BRDT: variants seen among roughly 807,000 people sequenced by gnomAD.
BRDT encodes bromodomain testis-specific protein.
A neutral mutation model predicts 113.9 loss-of-function variants in BRDT; 77 were observed. The observed-to-expected ratio is 0.68, with a 90% CI of 0.56 to 0.82. The LOEUF is 0.82. Among genes scored for constraint, BRDT ranks in the 40% least tolerant of loss-of-function variants. The pLI, the probability that BRDT is intolerant of heterozygous loss-of-function variation, is 0.00. For synonymous variants in BRDT, 358 were observed against 366.5 expected, an observed-to-expected ratio of 0.98 and a Z score of 0.26; for missense variants, 1,027 against 1,105.4, an observed-to-expected ratio of 0.93 and a Z score of 1.01.
chr1:91,993,338 A>G (rs1230746149), intron 14 of BRDT, among the ~76,000 whole-genome samples: 1 of 152,204 alleles, frequency 6.6e-6, no homozygotes, highest in Non-Finnish European at 1.5e-5. Context: ...GCTTAGTTAG[A>G]TAAGGCTACT....
rs758006018 is a variant in BRDT at position 91,976,436 on chromosome 1, C to CA, written c.618dup (p.Val207SerfsTer20). On this transcript the variant is annotated frameshift_variant and splice_region_variant, in exon 5 of 19. Transcript: ENST00000399546. LOFTEE classifies it high-confidence loss of function. ...CAACTCCAGTTCACAAACTGCGGCC[C>CA]AAGTAAGTTTGTTGTAGTTTTTAAA... 13 of 1,538,744 alleles carry CA rather than the reference C, an allele frequency of 8.4e-6. No homozygotes were observed. The African/African-American group carries it at 1.8e-4, about 22-fold the overall frequency.
chr1:91,992,827 TG>T (rs1426781413), intron 14 of BRDT, among the ~76,000 whole-genome samples: 8 of 152,170 alleles, frequency 5.3e-5, no homozygotes, highest in African/African-American at 1.9e-4. Flanking sequence ...TGAGCCACCA[TG>T]CCTGGCCTTC....
rs376137327 is a variant in BRDT at position 91,987,776 on chromosome 1, T to A, written c.2003-3408T>A. On this transcript the variant is annotated intron_variant, in intron 12 of 18. Coordinates refer to ENST00000399546, the MANE Select transcript of BRDT (RefSeq NM_207189.4). ...TGGAACATCTATCTCAGTGCTTTGA[T>A]TGATGATAGGTATTAAGTAAACTCT... Among the ~76,000 whole-genome samples the A allele has an allele frequency of 8.8e-4, 134 of 152,336 alleles. 1 individual carries two copies. In the South Asian group the frequency reaches 0.028, roughly 31 times the overall value.
intron 4 of BRDT, among the ~76,000 whole-genome samples, chr1:91,972,086 C>A (rs1159487001): frequency 6.6e-6 from 1 of 151,834 alleles, no homozygotes; most frequent in East Asian, 1.9e-4. Context: ...GATTCACCAC[C>A]AAAAACCTTT....
chr1:91,978,726 C>T (rs892757746), intron 7 of BRDT, among the ~76,000 whole-genome samples: 4 of 152,070 alleles, frequency 2.6e-5, no homozygotes, highest in Non-Finnish European at 4.4e-5. Context: ...GCTGGCCCGG[C>T]GCGGTGGCTC....
chr1:91,980,264 G>T (rs1684587633), intron 8 of BRDT, among the ~76,000 whole-genome samples: 1 of 152,046 alleles, frequency 6.6e-6, no homozygotes, highest in Admixed American at 6.6e-5. Flanking sequence ...AAAAAACGAG[G>T]CAGGAGGATC....
intron 18 of BRDT, among the ~76,000 whole-genome samples, chr1:92,007,568 C>A (rs1269289600): frequency 6.6e-6 from 1 of 152,184 alleles, no homozygotes; most frequent in Non-Finnish European, 1.5e-5. Context: ...ACATGATCTC[C>A]TTCTTTATGT....
chr1:91,959,244 T>C (rs1325882957), intron 1 of BRDT, among the ~76,000 whole-genome samples: 3 of 152,020 alleles, frequency 2.0e-5, no homozygotes, highest in Non-Finnish European at 4.4e-5. Flanking sequence ...TGGTCACAGC[T>C]TGGTCTGTAG....
At position 92,002,099 on chromosome 1, in the gene BRDT, G is replaced by A. The variant is rs1686907422; in HGVS notation, c.2338G>A (p.Asp780Asn). 2 of 1,613,914 alleles carry A rather than the reference G, an allele frequency of 1.2e-6. No individual in the cohort carries two copies. The highest frequency in any genetic ancestry group is 3.3e-5 in the Admixed American group (2 of 59,984). ...NGITVMHPSG[D>N]SDTTMLESEC... ...CATAACTGTGATGCATCCATCTGGTGATAGTGACACAACGATGTTAGAATC... is the reference window on the plus strand; with the variant it reads ...CATAACTGTGATGCATCCATCTGGTAATAGTGACACAACGATGTTAGAATC... The change falls in exon 16 of 19, where the codon GAT becomes AAT. Residue 780 changes from aspartate (D) to asparagine (N), a missense_variant. Coordinates refer to ENST00000399546, the MANE Select transcript of BRDT (RefSeq NM_207189.4).
At chr1:92,006,225 G>C (rs765951945) in intron 18 of BRDT, among the ~76,000 whole-genome samples, 1 of 152,144 alleles carries the variant, frequency 6.6e-6, no homozygotes, top group African/African-American at 2.4e-5. Context: ...GTGTTAATCA[G>C]GCCAAGTTGG....
intron 18 of BRDT, among the ~76,000 whole-genome samples, chr1:92,008,443 C>T (rs528493770): frequency 8.5e-5 from 13 of 152,128 alleles, no homozygotes; most frequent in South Asian, 6.2e-4. Context: ...AGAGTTCCTA[C>T]GTGCCATACC....
chr1:91,958,055 C>G (rs1557800269), intron 1 of BRDT, among the ~76,000 whole-genome samples: 1 of 152,136 alleles, frequency 6.6e-6, no homozygotes, highest in East Asian at 1.9e-4. Context: ...GTTGGCCAGG[C>G]TGGTCTCGAG....
intron 16 of BRDT, 67 bp downstream of exon 16, chr1:92,002,216 A>T: frequency 8.9e-7 from 1 of 1,127,280 alleles, no homozygotes; most frequent in Non-Finnish European, 1.3e-6. Flanking sequence ...AAGTGGTACA[A>T]GAGGTATTTA....
At chr1:91,999,865 CT>C (rs1686679688) in intron 15 of BRDT, among the ~76,000 whole-genome samples, 1 of 152,132 alleles carries the variant, frequency 6.6e-6, no homozygotes, top group South Asian at 2.1e-4. Context: ...TGAATTCCCC[CT>C]TTTAGTCCTC....
chr1:91,974,384 C>T (rs1356537016), intron 4 of BRDT, among the ~76,000 whole-genome samples: 3 of 152,134 alleles, frequency 2.0e-5, no homozygotes, highest in Non-Finnish European at 4.4e-5. Flanking sequence ...GCAATCTACT[C>T]ATCTGACAAA....
In BRDT at chr1:91,994,098, C is replaced by T. The variant is rs1391632546; in HGVS notation, c.2131C>T (p.Gln711Ter). The T allele has an allele frequency of 1.2e-6, 2 of 1,606,766 alleles. No individual in the cohort carries two copies. The highest frequency in any genetic ancestry group is 2.2e-5 in the East Asian group (1 of 44,580). ...TGVTQIGYCV[Q>*]DTTSANTTLV... is the part of the protein sequence containing the mutation. ...GTTTTAACAGATAGGATATTGTGTG[C>T]AAGACACAACCTCTGCCAATACTAC... The change falls in exon 15 of 19, where the codon CAA becomes TAA. Residue 711 changes from glutamine (Q) to a stop codon, truncating the protein, a stop_gained. Coordinates refer to ENST00000399546, the MANE Select transcript of BRDT (RefSeq NM_207189.4). LOFTEE classifies it high-confidence loss of function.
chr1:91,958,124 C>T (rs7526768), intron 1 of BRDT, among the ~76,000 whole-genome samples: 4 of 151,798 alleles, frequency 2.6e-5, no homozygotes, highest in East Asian at 3.9e-4. Context: ...ATTACAGGCG[C>T]GAGCCGCCAT....
chr1:92,008,620 C>T (rs898068113), intron 18 of BRDT, among the ~76,000 whole-genome samples: 6 of 152,150 alleles, frequency 3.9e-5, no homozygotes, highest in Non-Finnish European at 7.3e-5. Context: ...TAGTTCCTTA[C>T]GGAATAGTTT....
intron 7 of BRDT, among the ~76,000 whole-genome samples, chr1:91,979,035 C>T (rs1329324291): frequency 1.5e-5 from 2 of 136,408 alleles, no homozygotes; most frequent in South Asian, 4.7e-4. Flanking sequence ...ACAAAAAAAA[C>T]CCTATATTAC....
Sources: allele counts gnomAD v4.1 joint callset (sites outside exome capture counted in the v4.1 genomes callset), GRCh38; gene constraint gnomAD v4.1.1; transcripts MANE v1.5; gene names NCBI Gene and HGNC (gene_info 2026-07-23, HGNC 2026-07-21).